Variants in CCNI observed in about 807,000 individuals in gnomAD.
CCNI encodes the protein cyclin-I.
In CCNI, 14 loss-of-function variants were observed where a neutral mutation model predicts 34.1. The ratio of observed to expected loss-of-function variants is 0.41; its 90% CI spans 0.27 to 0.64. The LOEUF is 0.64. Ranked by LOEUF, CCNI falls within the 30% of genes least tolerant of loss-of-function variation. The pLI is 0.31. For missense variants in CCNI, 385 were observed against 440.5 expected (o/e 0.87, Z 1.13); for synonymous variants, 154 against 158.4 (o/e 0.97, Z 0.21).
intron 6 of CCNI, among the ~76,000 whole-genome samples, chr4:77,052,512 C>G (rs1028794914): frequency 1.3e-5 from 2 of 152,056 alleles, no homozygotes; most frequent in African/African-American, 4.8e-5. Flanking sequence ...TTAACAGGGA[C>G]AAAAGGAAGA....
chr4:77,066,495 G>C, intron 1 of CCNI, 90 bp from the exon 2 acceptor site: 1 of 895,956 alleles, frequency 1.1e-6, no homozygotes, highest in Non-Finnish European at 1.7e-6. Context: ...AACAAAATAA[G>C]AATGCTATGA....
intron 2 of CCNI, among the ~76,000 whole-genome samples, chr4:77,063,637 C>A (rs1334388688): frequency 6.6e-6 from 1 of 151,404 alleles, no homozygotes; most frequent in Non-Finnish European, 1.5e-5. Context: ...TTGCAGTGAG[C>A]CAAGATCGCG....
chr4:77,052,794 T>C (rs1324764327), intron 6 of CCNI, among the ~76,000 whole-genome samples: 2 of 152,198 alleles, frequency 1.3e-5, no homozygotes, highest in African/African-American at 4.8e-5. Context: ...TGGTGTTCCC[T>C]ACCTGAACAC....
rs1001544450 is a variant in CCNI at position 77,070,442 on chromosome 4, C to T, written c.-43-4037G>A. 3.3e-5 allele frequency among the ~76,000 whole-genome samples: 5 copies of T among 151,614 alleles called. No homozygotes were observed. In the East Asian group the frequency reaches 7.7e-4, roughly 23 times the overall value. ...TAAGCCAGTTCTACCCCTACCTGCC[C>T]CAACCCATTGTGTGCGAGGTTTGGG... On this transcript the variant is annotated intron_variant, in intron 1 of 6. Transcript: ENST00000237654.
At position 77,070,325 on chromosome 4, in the gene CCNI, C is replaced by CT. The variant is rs368351303; in HGVS notation, c.-43-3921dup. ...AGCCACCACTCGTGGCCCTCATTAG[C>CT]TTTTTTTTTTTTGAAGACCACACCT... On this transcript the variant is annotated intron_variant, in intron 1 of 6. Transcript: ENST00000237654. 2.2e-3 allele frequency among the ~76,000 whole-genome samples: 315 copies of CT among 144,360 alleles called. 1 individual carries two copies. The highest frequency in any genetic ancestry group is 3.0e-3 in the East Asian group (15 of 4,974). The allele number at this position is 144,360 out of a possible 152,430, so 94.7% of individuals were successfully genotyped here.
chr4:77,074,648 G>A (rs1348187905), intron 1 of CCNI: 2 of 152,162 alleles, frequency 1.3e-5, no homozygotes, highest in Non-Finnish European at 2.9e-5. Flanking sequence ...AGAATGCCTG[G>A]CAGATAATAA....
chr4:77,072,452 CAAAAAAAAA>C (rs11327592), intron 1 of CCNI, among the ~76,000 whole-genome samples: 23 of 62,230 alleles, frequency 3.7e-4, no homozygotes, highest in African/African-American at 8.0e-4. Context: ...CTGTCTCCAC[CAAAAAAAAA>C]AAAAAAAAAA....
chr4:77,050,202 G>A (rs901172435), intron 6 of CCNI, among the ~76,000 whole-genome samples: 1 of 151,788 alleles, frequency 6.6e-6, no homozygotes, highest in Non-Finnish European at 1.5e-5. Flanking sequence ...TTCCTTCCAG[G>A]ACTGGCTAAA....
intron 2 of CCNI, among the ~76,000 whole-genome samples, chr4:77,059,790 CCT>C (rs1372224900): frequency 6.6e-6 from 1 of 151,974 alleles, no homozygotes; most frequent in African/African-American, 2.4e-5. Context: ...CATAAAAATC[CCT>C]GAGAACCAAG....
chr4:77,069,399 C>T (rs1370161401), intron 1 of CCNI, among the ~76,000 whole-genome samples: 1 of 151,826 alleles, frequency 6.6e-6, no homozygotes, highest in African/African-American at 2.4e-5. Flanking sequence ...TAAAGAAATC[C>T]CTATGCAGTC....
intron 2 of CCNI, among the ~76,000 whole-genome samples, chr4:77,061,035 A>G (rs1430835953): frequency 6.6e-6 from 1 of 152,214 alleles, no homozygotes; most frequent in East Asian, 1.9e-4. Context: ...TTGGGATTAC[A>G]GGTGTAAGCC....
chr4:77,064,968 C>G (rs1436808877), intron 2 of CCNI: 1 of 152,232 alleles, frequency 6.6e-6, no homozygotes, highest in Non-Finnish European at 1.5e-5. Context: ...GCGTGAGCCA[C>G]TGCGTCCAGC....
intron 6 of CCNI, among the ~76,000 whole-genome samples, chr4:77,052,035 T>C (rs968551584): frequency 6.6e-6 from 1 of 151,892 alleles, no homozygotes; most frequent in African/African-American, 2.4e-5. Flanking sequence ...TATTGCATGA[T>C]GCTGAGGTTT....
chr4:77,072,452 CA>C (rs11327592), intron 1 of CCNI, among the ~76,000 whole-genome samples: 19,928 of 62,216 alleles, frequency 0.32, 1,546 homozygotes, highest in East Asian at 0.46. Context: ...CTGTCTCCAC[CA>C]AAAAAAAAAA....
chr4:77,069,596 C>T (rs1187138401), intron 1 of CCNI, among the ~76,000 whole-genome samples: 1 of 114,676 alleles, frequency 8.7e-6, no homozygotes, highest in Non-Finnish European at 1.7e-5. Flanking sequence ...CCCCTCCCCC[C>T]ACCCCACAAC....
chr4:77,071,107 G>A (rs1403886494), intron 1 of CCNI, among the ~76,000 whole-genome samples: 1 of 152,144 alleles, frequency 6.6e-6, no homozygotes, highest in African/African-American at 2.4e-5. Flanking sequence ...TTTTTAGGGG[G>A]TTTAGATGGT....
At chr4:77,051,109 T>C (rs1727795946) in intron 6 of CCNI, among the ~76,000 whole-genome samples, 1 of 152,222 alleles carries the variant, frequency 6.6e-6, no homozygotes, top group South Asian at 2.1e-4. Flanking sequence ...TTCATCTGTG[T>C]AGATTCAATG....
chr4:77,070,817 G>A (rs543796864), intron 1 of CCNI, among the ~76,000 whole-genome samples: 25 of 152,262 alleles, frequency 1.6e-4, no homozygotes, highest in Admixed American at 3.9e-4. Flanking sequence ...AGTAGTTCAC[G>A]ACCAGCCTGG....
chr4:77,063,386 A>C (rs1728759232), intron 2 of CCNI, among the ~76,000 whole-genome samples: 1 of 150,246 alleles, frequency 6.7e-6, no homozygotes, highest in African/African-American at 2.4e-5. Flanking sequence ...CCCTTAGAGG[A>C]AAATAAGAGT....
Sources: gnomAD v4.1 joint callset for allele counts (sites outside exome capture counted in the v4.1 genomes callset) on GRCh38, gnomAD v4.1.1 for gene constraint, MANE v1.5 for transcripts, NCBI Gene and HGNC (gene_info 2026-07-23, HGNC 2026-07-21) for gene names.